The following MAP3K3 variants were observed in gnomAD, a reference collection of about 807,000 sequenced individuals.
MAP3K3 encodes mitogen-activated protein kinase kinase kinase 3, also known as MAP/ERK kinase kinase 3.
MAP3K3 carries 12 observed loss-of-function variants against 80.9 expected under a neutral mutation model. That is an observed-to-expected ratio of 0.15 (90% CI 0.10 to 0.24). The LOEUF is 0.24. MAP3K3 is among the 10% of genes least tolerant of loss of function. The pLI is 1.00. For synonymous variants in MAP3K3, 272 were observed against 307.1 expected, an observed-to-expected ratio of 0.89 and a Z score of 1.19; for missense variants, 596 against 834.7, an observed-to-expected ratio of 0.71 and a Z score of 3.52.
intron 2 of MAP3K3, among the ~76,000 whole-genome samples, chr17:63,635,905 A>G (rs1207482073): frequency 1.3e-5 from 2 of 152,240 alleles, no homozygotes; most frequent in African/African-American, 4.8e-5. Context: ...ACAGATTCAA[A>G]TTACAGAGTC....
intron 3 of MAP3K3, among the ~76,000 whole-genome samples, chr17:63,649,631 C>T (rs1315061171): frequency 6.6e-6 from 1 of 152,146 alleles, no homozygotes; most frequent in Non-Finnish European, 1.5e-5. Context: ...TGGTTTCAAA[C>T]TCCTGGACTC....
At chr17:63,654,078 A>G (rs781002395) in intron 4 of MAP3K3, among the ~76,000 whole-genome samples, 1 of 152,178 alleles carries the variant, frequency 6.6e-6, no homozygotes, top group African/African-American at 2.4e-5. Context: ...CATGTTGCCC[A>G]GGCTGGTCTC....
Position 63,622,677 on chromosome 17 carries a change from C to T in MAP3K3, c.-83C>T. ...CGCGGAGCCAGGCCCGCTGCCGTCCCCGCCGCCCGGGCCCCCGGCATGCAG... is the reference window on the plus strand; with the variant it reads ...CGCGGAGCCAGGCCCGCTGCCGTCCTCGCCGCCCGGGCCCCCGGCATGCAG... On this transcript the variant is annotated 5_prime_UTR_variant, in exon 1 of 16. Coordinates refer to ENST00000361733, the MANE Select transcript of MAP3K3 (RefSeq NM_002401.5). 1 of 395,244 alleles carries T rather than the reference C, an allele frequency of 2.5e-6. No homozygotes were observed. The highest frequency in any genetic ancestry group is 5.0e-6 in the Non-Finnish European group (1 of 199,084). The allele number at this position is 395,244 out of a possible 1,614,324, so 24.5% of individuals were successfully genotyped here.
chr17:63,678,255 A>G (rs1433065593), intron 6 of MAP3K3, among the ~76,000 whole-genome samples: 1 of 152,056 alleles, frequency 6.6e-6, no homozygotes, highest in Non-Finnish European at 1.5e-5. Context: ...TTTTTAAGAA[A>G]AAAAAATTGC....
At chr17:63,624,396 C>G (rs537386258) in intron 1 of MAP3K3, among the ~76,000 whole-genome samples, 2 of 152,182 alleles carry the variant, frequency 1.3e-5, no homozygotes, top group Non-Finnish European at 2.9e-5. Context: ...CCATCCACTT[C>G]CTACTTTGTT....
intron 4 of MAP3K3, among the ~76,000 whole-genome samples, chr17:63,654,333 T>TTTTTTTTTTTTTTTTTGA (rs1299210909): frequency 4.6e-5 from 7 of 150,542 alleles, no homozygotes; most frequent in South Asian, 2.1e-4. Context: ...TGACCTTTTT[T>TTTTTTTTTTTTTTTTTGA]GTCTGGCTTC....
intron 2 of MAP3K3, among the ~76,000 whole-genome samples, chr17:63,636,304 G>T (rs546105176): frequency 1.3e-5 from 2 of 152,266 alleles, no homozygotes; most frequent in African/African-American, 4.8e-5. Context: ...TTTTCTAGGA[G>T]GTAGATTCTG....
intron 2 of MAP3K3, among the ~76,000 whole-genome samples, chr17:63,638,814 A>T (rs2034385380): frequency 6.6e-6 from 1 of 152,202 alleles, no homozygotes; most frequent in Non-Finnish European, 1.5e-5. Flanking sequence ...TGGGAGGCCG[A>T]GGCAGGCGGA....
At chr17:63,686,290 G>A (rs545094248) in intron 8 of MAP3K3, among the ~76,000 whole-genome samples, 11 of 152,298 alleles carry the variant, frequency 7.2e-5, no homozygotes, top group African/African-American at 2.6e-4. Context: ...GTTCATTTGG[G>A]TAGTGATATT....
intron 12 of MAP3K3, chr17:63,690,693 C>G: frequency 4.4e-6 from 2 of 458,650 alleles, no homozygotes; most frequent in Non-Finnish European, 7.9e-6. Context: ...AGAGGGGACT[C>G]CCTCCCCTAG....
At chr17:63,679,041 C>CA (rs2035277727) in intron 6 of MAP3K3, among the ~76,000 whole-genome samples, 1 of 152,060 alleles carries the variant, frequency 6.6e-6, no homozygotes, top group African/African-American at 2.4e-5. Context: ...AAAAAAGAGT[C>CA]AGTGTCAGTT....
intron 4 of MAP3K3, 67 bp from the exon 5 acceptor site, chr17:63,657,727 G>A: frequency 1.5e-6 from 1 of 664,684 alleles, no homozygotes; most frequent in Non-Finnish European, 2.6e-6. Flanking sequence ...TTTTATTTCT[G>A]CAAAGTGAAA....
intron 6 of MAP3K3, among the ~76,000 whole-genome samples, chr17:63,676,411 C>A (rs564558639): frequency 6.6e-6 from 1 of 152,286 alleles, no homozygotes; most frequent in South Asian, 2.1e-4. Context: ...CCCAGACACT[C>A]CATGTAACAG....
chr17:63,693,512 G>A lies in MAP3K3; in HGVS notation c.1653-37G>A, dbSNP rs1192216763. 10 of 1,566,158 alleles carry A rather than the reference G, an allele frequency of 6.4e-6. No individual in the cohort carries two copies. The highest frequency in any genetic ancestry group is 1.9e-5 in the Admixed American group (1 of 53,296). ...TGGGCAGGACAGCTGGGAGTCCAGGGCTGGCTGAGGGGTGACACGGGGTTC... is the reference window on the plus strand; with the variant it reads ...TGGGCAGGACAGCTGGGAGTCCAGGACTGGCTGAGGGGTGACACGGGGTTC... On this transcript the variant is annotated intron_variant, in intron 15 of 15. Coordinates refer to ENST00000361733, the MANE Select transcript of MAP3K3 (RefSeq NM_002401.5). This position sits in a 1 kb window ranked among gnomAD's most constrained non-coding sequence, Gnocchi z 4.2.
intron 6 of MAP3K3, among the ~76,000 whole-genome samples, chr17:63,667,797 A>G (rs954957644): frequency 6.6e-6 from 1 of 152,060 alleles, no homozygotes; most frequent in Non-Finnish European, 1.5e-5. Flanking sequence ...ATAATTTTCC[A>G]TATATTCTCA....
In MAP3K3 at chr17:63,690,416, C is replaced by T; in HGVS notation, c.1212+4C>T. ...AGACAGTCCTGAGACAAGCAAGGTA[C>T]ACTTAACCCGTGGTCTGACTTCAGT... On this transcript the variant is annotated splice_donor_region_variant and intron_variant, in intron 12 of 15. Coordinates refer to ENST00000361733, the MANE Select transcript of MAP3K3 (RefSeq NM_002401.5). The T allele has an allele frequency of 6.2e-7, 1 of 1,613,182 alleles. No individual in the cohort carries two copies.
chr17:63,633,066 A>G (rs1341846168), intron 2 of MAP3K3, among the ~76,000 whole-genome samples: 2 of 149,894 alleles, frequency 1.3e-5, no homozygotes, highest in Non-Finnish European at 2.9e-5. Flanking sequence ...TGTCCCTACT[A>G]AAAAACACAA....
intron 7 of MAP3K3, among the ~76,000 whole-genome samples, chr17:63,683,252 C>A (rs180917609): frequency 1.3e-5 from 2 of 152,320 alleles, no homozygotes; most frequent in East Asian, 3.9e-4. Flanking sequence ...TACTCTTCTT[C>A]CTTCTATACT....
At chr17:63,632,418 A>G (rs2034235055) in intron 1 of MAP3K3, among the ~76,000 whole-genome samples, 1 of 152,144 alleles carries the variant, frequency 6.6e-6, no homozygotes, top group South Asian at 2.1e-4. Context: ...CTTGAGCCCC[A>G]GAGTTGGAGG....
Sources: gnomAD v4.1 joint callset for allele counts (sites outside exome capture counted in the v4.1 genomes callset) on GRCh38, gnomAD v4.1.1 for gene constraint, Gnocchi (gnomAD v3.1) non-coding constraint, MANE v1.5 for transcripts, NCBI Gene and HGNC (gene_info 2026-07-23, HGNC 2026-07-21) for gene names.